Variants in TENM1 observed in about 807,000 individuals in gnomAD.
TENM1 encodes the protein teneurin-1.
Under a neutral mutation model 174.8 loss-of-function variants are expected in TENM1, and 35 were observed. The observed-to-expected ratio is 0.20, with a 90% CI of 0.15 to 0.27. TENM1 has a LOEUF of 0.27. Ranked by LOEUF, TENM1 falls within the 10% of genes least tolerant of loss-of-function variation. The probability of loss-of-function intolerance (pLI) is 1.00; values close to 1 mark genes in which losing one functional copy is unlikely to be tolerated. For synonymous variants in TENM1, 781 were observed against 798.7 expected (o/e 0.98, Z 0.37); for missense variants, 1,633 against 2,130.1 (o/e 0.77, Z 4.59).
intron 3 of TENM1, among the ~76,000 whole-genome samples, chrX:124,747,509 G>A (rs1033292613): frequency 9.7e-6 from 1 of 102,693 alleles, no homozygotes; most frequent in South Asian, 6.0e-4. Context: ...TGGTGCAAAA[G>A]TAATTGCGGT....
chrX:124,764,093 TG>T (rs2054484861), intron 3 of TENM1, among the ~76,000 whole-genome samples: 1 of 112,497 alleles, frequency 8.9e-6, no homozygotes, highest in South Asian at 3.7e-4. Flanking sequence ...GATCATTGCT[TG>T]CTCTTCTGCC....
Position 124,826,696 on chromosome X carries a change from C to T in TENM1, c.535+67600G>A, listed in dbSNP as rs368879822. Reference sequence around the variant, plus strand: ...TTTCTGGGTTGTGACAGAATAGTTTCCCCCCTTGCATTTTTATATTTTTCT... The same window carrying T: ...TTTCTGGGTTGTGACAGAATAGTTTTCCCCCTTGCATTTTTATATTTTTCT... On this transcript the variant is annotated intron_variant, in intron 3 of 31. Coordinates refer to ENST00000422452, the Ensembl canonical transcript of TENM1. Among the ~76,000 whole-genome samples, 191 of 110,358 alleles carry T rather than the reference C, an allele frequency of 1.7e-3. 1 individual carries two copies. Among genetic ancestry groups the T allele is most frequent in the African/African-American group, 6.1e-3 (179 of 29,540 alleles).
the TENM1 span, among the ~76,000 whole-genome samples, chrX:125,121,609 T>C: frequency 1.8e-5 from 2 of 112,095 alleles, no homozygotes; most frequent in African/African-American, 6.5e-5. Context: ...TCTCTAACAA[T>C]TTCTACAGTA....
Position 124,488,964 on chromosome X carries a change from G to A in TENM1, c.3696-1735C>T, listed in dbSNP as rs187216617. Among the ~76,000 whole-genome samples the A allele has an allele frequency of 3.7e-3, 414 of 112,879 alleles. 5 individuals are homozygous for A. The highest frequency in any genetic ancestry group is 3.4e-3 in the Admixed American group (37 of 10,736). ...AATTTGGAAAGATGTCCCATATTAT[G>A]CAGAGCAGCTTCTCTCATTAACATC... On this transcript the variant is annotated intron_variant, in intron 20 of 31. Coordinates refer to ENST00000422452, the Ensembl canonical transcript of TENM1.
intron 3 of TENM1, among the ~76,000 whole-genome samples, chrX:124,823,806 T>C (rs1045915643): frequency 4.5e-5 from 5 of 111,798 alleles, no homozygotes; most frequent in South Asian, 3.7e-4. Context: ...AAAAATCTTG[T>C]CATCCAGAGG....
intron 11 of TENM1, among the ~76,000 whole-genome samples, chrX:124,582,695 G>C (rs1385245466): frequency 1.8e-5 from 2 of 111,899 alleles, no homozygotes; most frequent in African/African-American, 6.5e-5. Context: ...AGGACAGTGG[G>C]TGCAGCACAC....
chrX:124,636,293 G>A (rs900661510), intron 11 of TENM1, among the ~76,000 whole-genome samples: 54 of 111,897 alleles, frequency 4.8e-4, no homozygotes, highest in Non-Finnish European at 3.8e-5. Context: ...CAACCTTTAT[G>A]GAGCTTAAAA....
the TENM1 span, among the ~76,000 whole-genome samples, chrX:125,093,558 T>C: frequency 8.9e-6 from 1 of 111,803 alleles, no homozygotes; most frequent in African/African-American, 3.3e-5. Context: ...CCAAATTTCA[T>C]TGAAATTTAA....
At chrX:125,032,806 C>T in the TENM1 span, among the ~76,000 whole-genome samples, 2 of 112,007 alleles carry the variant, frequency 1.8e-5, no homozygotes, top group South Asian at 3.7e-4. Flanking sequence ...CACAGCCTCA[C>T]GTCCCAGAGC....
At chrX:125,151,944 G>GA in the TENM1 span, among the ~76,000 whole-genome samples, 4 of 111,599 alleles carry the variant, frequency 3.6e-5, no homozygotes, top group African/African-American at 1.3e-4. Context: ...AAAATAGAGG[G>GA]AAAAAATTCA....
At chrX:124,865,975 T>C (rs1297582421) in intron 3 of TENM1, among the ~76,000 whole-genome samples, 4 of 111,833 alleles carry the variant, frequency 3.6e-5, no homozygotes, top group Admixed American at 2.8e-4. Context: ...TGAATACATA[T>C]ATGCAGCCAA....
chrX:124,793,898 T>G (rs2055241800), intron 3 of TENM1, among the ~76,000 whole-genome samples: 1 of 110,855 alleles, frequency 9.0e-6, no homozygotes, highest in Non-Finnish European at 1.9e-5. Context: ...TTCCATCTCT[T>G]TTTAAAAACC....
intron 1 of TENM1, among the ~76,000 whole-genome samples, chrX:124,932,118 C>T (rs988438783): frequency 9.0e-6 from 1 of 111,728 alleles, no homozygotes; most frequent in African/African-American, 3.3e-5. Flanking sequence ...CAAGATAGCT[C>T]TGTAGCAGAT....
At chrX:124,923,735 C>T (rs6649300) in intron 1 of TENM1, among the ~76,000 whole-genome samples, 10,094 of 111,488 alleles carry the variant, frequency 0.091, 1,010 homozygotes, top group African/African-American at 0.31. Context: ...GAATGTATGA[C>T]GGGGAAGATG....
chrX:125,173,854 G>A, the TENM1 span, among the ~76,000 whole-genome samples: 2 of 111,693 alleles, frequency 1.8e-5, no homozygotes, highest in Admixed American at 1.9e-4. Context: ...CTGAATCCCT[G>A]CTATGGGCAA....
At chrX:124,407,119 T>C (rs1434352083) in intron 25 of TENM1, among the ~76,000 whole-genome samples, 1 of 110,570 alleles carries the variant, frequency 9.0e-6, no homozygotes, top group Admixed American at 9.7e-5. Context: ...TACATAAGGT[T>C]TTGTAATTTG....
chrX:124,717,455 G>A (rs2053212510), intron 4 of TENM1, among the ~76,000 whole-genome samples: 1 of 111,573 alleles, frequency 9.0e-6, no homozygotes, highest in South Asian at 3.8e-4. Flanking sequence ...AGGTCATGTT[G>A]AGCCAGAGCT....
the TENM1 span, among the ~76,000 whole-genome samples, chrX:125,059,656 T>C: frequency 9.0e-6 from 1 of 111,594 alleles, no homozygotes; most frequent in Non-Finnish European, 1.9e-5. Flanking sequence ...TCTCTATATA[T>C]TCAATTATTT....
At chrX:124,539,541 G>C (rs1266863495) in intron 15 of TENM1, among the ~76,000 whole-genome samples, 1 of 112,113 alleles carries the variant, frequency 8.9e-6, no homozygotes, top group Non-Finnish European at 1.9e-5. Flanking sequence ...CATTTAAAGA[G>C]TGAAATGATT....
Sources: allele counts gnomAD v4.1 joint callset (sites outside exome capture counted in the v4.1 genomes callset), GRCh38; gene constraint gnomAD v4.1.1; transcripts MANE v1.5; gene names NCBI Gene and HGNC (gene_info 2026-07-23, HGNC 2026-07-21).